WDR3: variants seen among roughly 807,000 people sequenced by gnomAD.
WDR3 encodes WD repeat-containing protein 3.
WDR3 carries 81 observed loss-of-function variants against 123.7 expected under a neutral mutation model. That is an observed-to-expected ratio of 0.65 (90% CI 0.55 to 0.79). The LOEUF (loss-of-function observed/expected upper bound fraction) is 0.79. Ranked by LOEUF, WDR3 falls within the 30% of genes least tolerant of loss-of-function variation. The probability of loss-of-function intolerance (pLI) is 0.00; values close to 1 mark genes in which losing one functional copy is unlikely to be tolerated. For missense variants in WDR3, 1,027 were observed against 1,123.2 expected, an observed-to-expected ratio of 0.91 and a Z score of 1.22; for synonymous variants, 390 against 388.8, an observed-to-expected ratio of 1.00 and a Z score of -0.04.
Position 117,936,776 on chromosome 1 carries a change from A to C in WDR3, c.389A>C (p.Asp130Ala), listed in dbSNP as rs752674360. The change falls in exon 4 of 27, where the codon GAT becomes GCT. Residue 130 changes from aspartate to alanine, a missense_variant. By Grantham distance (126) the Asp-to-Ala change is moderately radical. Transcript: ENST00000349139. ...ATTATTTGATCCCTTTAGGACACAG[A>C]TATTATTGTATGGGATGTGATCAAT... ...GRLASGSKDT[D>A]IIVWDVINES... is the part of the protein sequence containing the mutation. The C allele has an allele frequency of 6.2e-7, 1 of 1,610,432 alleles. No homozygotes were observed. Among genetic ancestry groups the C allele is most frequent in the Middle Eastern group, 1.7e-4 (1 of 6,046 alleles).
rs1423056575 is a variant in WDR3, at chr1:117,930,576, A to G, written c.-33+794A>G. ...CTTTAGGATAGGGAAAGCTCATTTG[A>G]AAAGATTAGTCGGTAGTATTATGAC... is the stretch of plus-strand genomic sequence containing the variant. On this transcript the variant is annotated intron_variant, in intron 1 of 26. Coordinates refer to ENST00000349139, the MANE Select transcript of WDR3 (RefSeq NM_006784.3). Among the ~76,000 whole-genome samples the G allele has an allele frequency of 3.9e-5, 6 of 152,178 alleles. No individual in the cohort carries two copies. In the East Asian group the frequency reaches 1.2e-3, roughly 29 times the overall value.
intron 10 of WDR3, among the ~76,000 whole-genome samples, chr1:117,943,071 C>T (rs1571014731): frequency 6.6e-6 from 1 of 151,754 alleles, no homozygotes; most frequent in South Asian, 2.1e-4. Context: ...TCCTGCCTCA[C>T]CCTCCGCAGT....
rs1430503878 is a variant in WDR3 at position 117,953,467 on chromosome 1, T to G, written c.2203-9T>G. 6.2e-7 allele frequency: 1 copy of G among 1,612,466 alleles called. No individual in the cohort carries two copies. The highest frequency in any genetic ancestry group is 8.5e-7 in the Non-Finnish European group (1 of 1,178,998). On this transcript the variant is annotated splice_polypyrimidine_tract_variant and intron_variant, in intron 20 of 26. Coordinates refer to ENST00000349139, the MANE Select transcript of WDR3 (RefSeq NM_006784.3). ...CAGTGTTATTCAAGGATTTCTTTGT[T>G]TCTGGCAGGTTCCAGGAGAGACTCA... is the stretch of plus-strand genomic sequence containing the variant.
chr1:117,934,900 G>C (rs926126099), intron 3 of WDR3, among the ~76,000 whole-genome samples: 1 of 152,154 alleles, frequency 6.6e-6, no homozygotes, highest in Non-Finnish European at 1.5e-5. Flanking sequence ...CTTAAGTGTA[G>C]GAATAAGATG....
intron 26 of WDR3, 48 bp downstream of exon 26, chr1:117,959,051 T>G: frequency 6.4e-7 from 1 of 1,566,018 alleles, no homozygotes; most frequent in Non-Finnish European, 8.8e-7. Flanking sequence ...ATTCCTAGTG[T>G]GATTTAGAAA....
At chr1:117,952,826 A>T in intron 19 of WDR3, 120 bp from the exon 20 acceptor site, 1 of 1,427,360 alleles carries the variant, frequency 7.0e-7, no homozygotes, top group Non-Finnish European at 9.6e-7. Context: ...AGCTAGGCAG[A>T]GATAAAGATG....
intron 11 of WDR3, among the ~76,000 whole-genome samples, chr1:117,945,296 T>TAGTAAGAG (rs1651333676): frequency 6.6e-6 from 1 of 152,166 alleles, no homozygotes; most frequent in Non-Finnish European, 1.5e-5. Flanking sequence ...TATCTCTTAC[T>TAGTAAGAG]ACTCTCCTTT....
intron 15 of WDR3, 111 bp from the exon 16 acceptor site, chr1:117,950,723 C>A: frequency 1.1e-6 from 1 of 942,174 alleles, no homozygotes; most frequent in Non-Finnish European, 1.6e-6. Flanking sequence ...TTTGAAAATA[C>A]AGATATAAAG....
At position 117,953,493 on chromosome 1, in the gene WDR3, A is replaced by G; in HGVS notation, c.2220A>G (p.Gln740=). 1 of 1,612,890 alleles carries G rather than the reference A, an allele frequency of 6.2e-7. No individual in the cohort carries two copies. The highest frequency in any genetic ancestry group is 8.5e-7 in the Non-Finnish European group (1 of 1,179,154). Residue 740 remains glutamine, a synonymous_variant, in exon 21 of 27, where the codon CAA becomes CAG. Coordinates refer to ENST00000349139, the MANE Select transcript of WDR3 (RefSeq NM_006784.3). ...EDQPAVPGET[Q]GDSYFTGKKT... ...TCTGGCAGGTTCCAGGAGAGACTCAAGGTGACAGTTACTTTACTGGAAAGA... is the reference window on the plus strand; with the variant it reads ...TCTGGCAGGTTCCAGGAGAGACTCAGGGTGACAGTTACTTTACTGGAAAGA...
rs1377831824 is a variant in WDR3, at chr1:117,940,879, G to A, written c.728G>A (p.Gly243Glu). ...DPKKIKGSSP[G>E]IQDTLEAEDG... is the part of the protein sequence containing the mutation. ...AAGAAAATCAAAGGATCTTCTCCTG[G>A]AATACAAGATACTCTTGAGGCAGAG... The change falls in exon 7 of 27, where the codon GGA becomes GAA. Residue 243 changes from glycine to glutamate, a missense_variant. Coordinates refer to ENST00000349139, the MANE Select transcript of WDR3 (RefSeq NM_006784.3). 40 of 1,614,008 alleles carry A rather than the reference G, an allele frequency of 2.5e-5. No homozygotes were observed. Among genetic ancestry groups the A allele is most frequent in the Non-Finnish European group, 3.1e-5 (37 of 1,180,002 alleles).
chr1:117,952,368 A>G lies in WDR3; in HGVS notation c.1976A>G (p.Gln659Arg), dbSNP rs772075846. ...FTAGKDHKIK[Q>R]WDADKFEHIQ... ...GCCGGAAAAGATCATAAGATTAAAC[A>G]GTGGGATGCAGACAAATTTGAACAC... is the stretch of plus-strand genomic sequence containing the variant. Residue 659 changes from glutamine (Q) to arginine (R), a missense_variant, in exon 18 of 27, where the codon CAG becomes CGG. Gln to Arg is a conservative substitution (Grantham distance 43, BLOSUM62 1). Transcript: ENST00000349139. The G allele has an allele frequency of 3.7e-6, 6 of 1,613,434 alleles. No homozygotes were observed. Among genetic ancestry groups the G allele is most frequent in the East Asian group, 2.2e-5 (1 of 44,872 alleles).
rs1230045675 is a variant in WDR3, at chr1:117,960,389, A to G, written c.*942A>G. On this transcript the variant is annotated 3_prime_UTR_variant, in exon 27 of 27. Transcript: ENST00000349139. The stretch of plus-strand genomic sequence containing the variant: ...AAGAAAATGTTACTTAGAAAATCAT[A>G]AGGAAGAGAAAATATATTTACTGTG... The G allele has an allele frequency of 1.3e-5, 2 of 152,162 alleles. No individual in the cohort carries two copies. Among genetic ancestry groups the G allele is most frequent in the African/African-American group, 4.8e-5 (2 of 41,430 alleles). The allele number at this position is 152,162 out of a possible 1,614,324, so 9.4% of individuals were successfully genotyped here. A position where few individuals can be genotyped will look rare whatever the true frequency, so the allele number is the denominator to read the frequency against.
rs1653817323 is a variant in WDR3, at chr1:117,966,171, A to G, written c.*6724A>G. ...TATATGATAAACTATTTTATACAGT[A>G]CCTTGGAGGTAATAGGTTCTTGATA... On this transcript the variant is annotated 3_prime_UTR_variant, in exon 27 of 27. Transcript: ENST00000349139. The G allele has an allele frequency of 6.5e-6, 1 of 154,058 alleles. No homozygotes were observed. The highest frequency in any genetic ancestry group is 2.4e-5 in the African/African-American group (1 of 41,514). The allele number at this position is 154,058 out of a possible 1,614,324, so 9.5% of individuals were successfully genotyped here.
In WDR3 at chr1:117,964,153, T is replaced by C; in HGVS notation, c.*4706T>C. On this transcript the variant is annotated 3_prime_UTR_variant, in exon 27 of 27. Transcript: ENST00000349139. The stretch of plus-strand genomic sequence containing the variant: ...TGTCTTCTGTTCTCCCTAGTGTACA[T>C]TTCTCTCCTAACTGTGACTGGCTTT... 3 of 435,610 alleles carry C rather than the reference T, an allele frequency of 6.9e-6. No individual in the cohort carries two copies. Among genetic ancestry groups the C allele is most frequent in the Non-Finnish European group, 8.3e-6 (2 of 240,728 alleles). The allele number at this position is 435,610 out of a possible 1,614,324, so 27.0% of individuals were successfully genotyped here. A position where few individuals can be genotyped will look rare whatever the true frequency, so the allele number is the denominator to read the frequency against.
rs749151249 is a variant in WDR3, at chr1:117,959,464, C to CT, written c.*28dup. On this transcript the variant is annotated 3_prime_UTR_variant, in exon 27 of 27. Transcript: ENST00000349139. ...TTGACTTAGAACTGAAATGTGGTATCTTTTTTTTTTTCAACTTTTTCCTTT... is the reference window on the plus strand; with the variant it reads ...TTGACTTAGAACTGAAATGTGGTATCTTTTTTTTTTTTCAACTTTTTCCTTT... The CT allele has an allele frequency of 0.025, 26,679 of 1,055,540 alleles. No individual in the cohort carries two copies. Among genetic ancestry groups the CT allele is most frequent in the South Asian group, 0.045 (2,528 of 56,590 alleles). The allele number at this position is 1,055,540 out of a possible 1,614,324, so 65.4% of individuals were successfully genotyped here. A position where few individuals can be genotyped will look rare whatever the true frequency, so the allele number is the denominator to read the frequency against.
At chr1:117,932,071 T>A (rs1354146697) in intron 1 of WDR3, among the ~76,000 whole-genome samples, 1 of 152,210 alleles carries the variant, frequency 6.6e-6, no homozygotes, top group Admixed American at 6.5e-5. Context: ...CATGGGTGTT[T>A]TTTGGGGATA....
rs755876032 is a variant in WDR3 at position 117,959,450 on chromosome 1, C to T, written c.*3C>T. 1.7e-5 allele frequency: 27 copies of T among 1,593,210 alleles called. No individual in the cohort carries two copies. The highest frequency in any genetic ancestry group is 2.0e-5 in the Non-Finnish European group (24 of 1,173,006). On this transcript the variant is annotated 3_prime_UTR_variant, in exon 27 of 27. Transcript: ENST00000349139. Reference sequence around the variant, plus strand: ...AGTTGATTCTAACGTTGACTTAGAACTGAAATGTGGTATCTTTTTTTTTTT... The same window carrying T: ...AGTTGATTCTAACGTTGACTTAGAATTGAAATGTGGTATCTTTTTTTTTTT...
At chr1:117,957,640 A>T (rs890933337) in intron 25 of WDR3, among the ~76,000 whole-genome samples, 1 of 152,234 alleles carries the variant, frequency 6.6e-6, no homozygotes, top group Non-Finnish European at 1.5e-5. Flanking sequence ...ATGGCTTTGA[A>T]TGTGGCCCAA....
chr1:117,931,104 A>T (rs1217151573), intron 1 of WDR3, among the ~76,000 whole-genome samples: 2 of 152,066 alleles, frequency 1.3e-5, no homozygotes, highest in African/African-American at 4.8e-5. Flanking sequence ...TTAATTTTTT[A>T]AAAAATGTTT....
Sources: gnomAD v4.1 joint callset for allele counts (sites outside exome capture counted in the v4.1 genomes callset) on GRCh38, gnomAD v4.1.1 for gene constraint, MANE v1.5 for transcripts, NCBI Gene and HGNC (gene_info 2026-07-23, HGNC 2026-07-21) for gene names.